PDIA4: variants seen among roughly 807,000 people sequenced by gnomAD.
PDIA4 encodes the protein protein disulfide-isomerase A4.
A neutral mutation model predicts 62.1 loss-of-function variants in PDIA4; 33 were observed. The observed-to-expected ratio is 0.53, with a 90% confidence interval of 0.40 to 0.71. The LOEUF (loss-of-function observed/expected upper bound fraction) is 0.71, where lower values mean the gene tolerates loss of function less well. PDIA4 is among the 30% of genes least tolerant of loss of function. The probability of loss-of-function intolerance (pLI) is 0.00; values close to 1 mark genes in which losing one functional copy is unlikely to be tolerated. For synonymous variants in PDIA4, 341 were observed against 324.1 expected (o/e 1.05, Z -0.56); for missense variants, 804 against 813.6 (o/e 0.99, Z 0.14).
chr7:149,007,449 G>C (rs528636302), intron 7 of PDIA4, among the ~76,000 whole-genome samples: 6 of 152,308 alleles, frequency 3.9e-5, no homozygotes, highest in East Asian at 1.9e-4. Context: ...TCTGGGGTGG[G>C]GGGTAGAGCT....
intron 1 of PDIA4, among the ~76,000 whole-genome samples, chr7:149,024,655 T>C (rs1328032475): frequency 6.7e-6 from 1 of 150,344 alleles, no homozygotes; most frequent in Non-Finnish European, 1.5e-5. Context: ...TCTACTAAAA[T>C]ACAGAAAAAA....
chr7:149,007,913 G>A (rs1022650385), intron 7 of PDIA4, among the ~76,000 whole-genome samples: 2 of 152,260 alleles, frequency 1.3e-5, no homozygotes, highest in African/African-American at 4.8e-5. Flanking sequence ...GCAAAACCAA[G>A]TGGAGCTCTG....
chr7:149,004,605 A>G (rs1823676163), intron 9 of PDIA4, among the ~76,000 whole-genome samples: 1 of 152,232 alleles, frequency 6.6e-6, no homozygotes, highest in Non-Finnish European at 1.5e-5. Context: ...GCCTGGGGCC[A>G]TGTGCTCAGC....
At chr7:149,012,744 G>T (rs915751534) in intron 4 of PDIA4, among the ~76,000 whole-genome samples, 2 of 152,186 alleles carry the variant, frequency 1.3e-5, no homozygotes, top group Non-Finnish European at 2.9e-5. Flanking sequence ...TTCAGAGGAG[G>T]AGTAGCAGTG....
chr7:149,010,403 AAATCACCTGAGCCTGGGGAGGTCAAG>A (rs1823905724), intron 6 of PDIA4, among the ~76,000 whole-genome samples: 1 of 152,126 alleles, frequency 6.6e-6, no homozygotes, highest in Admixed American at 6.6e-5. Flanking sequence ...TGAGGTGGAA[AAATCACCTGAGCCTGGGGAGGTCAAG>A]GCTGCAGTGA....
intron 3 of PDIA4, among the ~76,000 whole-genome samples, chr7:149,017,048 A>T (rs1824161477): frequency 6.6e-6 from 1 of 152,172 alleles, no homozygotes; most frequent in South Asian, 2.1e-4. Flanking sequence ...CTCAGATTAC[A>T]TCCAACTGAC....
chr7:149,024,814 TAAAAA>T (rs539798193), intron 1 of PDIA4, among the ~76,000 whole-genome samples: 1 of 89,396 alleles, frequency 1.1e-5, no homozygotes, highest in Non-Finnish European at 2.0e-5. Flanking sequence ...GACTGTCATT[TAAAAA>T]AAAAAAAAAA....
Position 149,012,426 on chromosome 7 carries a change from G to C in PDIA4, c.615-66C>G, listed in dbSNP as rs1004430493. 35 of 1,402,216 alleles carry C rather than the reference G, an allele frequency of 2.5e-5. No individual in the cohort carries two copies. In the African/African-American group the frequency reaches 4.7e-4, roughly 19 times the overall value. The allele number at this position is 1,402,216 out of a possible 1,614,324, so 86.9% of individuals were successfully genotyped here. A position where few individuals can be genotyped will look rare whatever the true frequency, so the allele number is the denominator to read the frequency against. Reference sequence around the variant, plus strand: ...GTGGACTCACTTTCTAGCTAAATGAGCTGCAGAAACCCATCCTGTGCTCCC... The same window carrying C: ...GTGGACTCACTTTCTAGCTAAATGACCTGCAGAAACCCATCCTGTGCTCCC... On this transcript the variant is annotated intron_variant, in intron 4 of 9. Transcript: ENST00000652332.
chr7:149,005,188 TC>T lies in PDIA4; in HGVS notation c.1474del (p.Glu492SerfsTer19). The T allele has an allele frequency of 6.2e-7, 1 of 1,614,034 alleles. No individual in the cohort carries two copies. Reference protein sequence around the residue: ...SGKKFAMEPEEFDSDTLREFV... With the variant: ...SGKKFAMEPEXFDSDTLREFV... ...CTCGCGGAGGGTGTCAGAGTCAAAC[TC>T]CTCTGGCTCCATGGCGAACTTCTTC... On this transcript the variant is annotated frameshift_variant, in exon 9 of 10. Transcript: ENST00000652332. LOFTEE classifies it high-confidence loss of function.
At position 149,004,096 on chromosome 7, in the gene PDIA4, C is replaced by T. The variant is rs749231315; in HGVS notation, c.1636G>A (p.Val546Ile). The T allele has an allele frequency of 7.4e-6, 12 of 1,614,032 alleles. No individual in the cohort carries two copies. In the Middle Eastern group the frequency reaches 4.9e-4, roughly 66 times the overall value. ...DSIVMDPKKD[V>I]LIEFYAPWCG... is the part of the protein sequence containing the mutation. ...CATGGCGCGTAGAACTCGATGAGGA[C>T]GTCCTTCTTGGGGTCCATCACAATG... The change falls in exon 10 of 10, where the codon GTC (valine) becomes ATC (isoleucine). Residue 546 changes from valine to isoleucine, a missense_variant. Physicochemically the swap from Val to Ile is conservative, Grantham distance 29 (BLOSUM62 3). Transcript: ENST00000652332.
chr7:149,020,612 TGA>T (rs1440961070), intron 2 of PDIA4, among the ~76,000 whole-genome samples: 1 of 152,190 alleles, frequency 6.6e-6, no homozygotes, highest in Non-Finnish European at 1.5e-5. Flanking sequence ...CAGGGTGGCC[TGA>T]GACAGGTCGG....
chr7:149,028,088 A>G (rs1585437050), intron 1 of PDIA4: 2 of 612,222 alleles, frequency 3.3e-6, no homozygotes, highest in African/African-American at 1.9e-5. Flanking sequence ...GTCGGAGCCC[A>G]AGAGACCCCG....
chr7:149,007,447 G>A (rs369544152), intron 7 of PDIA4, among the ~76,000 whole-genome samples: 93 of 152,268 alleles, frequency 6.1e-4, no homozygotes, highest in African/African-American at 2.0e-3. Flanking sequence ...GGTCTGGGGT[G>A]GGGGGTAGAG....
At chr7:149,026,604 T>C (rs910493713) in intron 1 of PDIA4, among the ~76,000 whole-genome samples, 3 of 150,868 alleles carry the variant, frequency 2.0e-5, no homozygotes, top group Non-Finnish European at 4.4e-5. Flanking sequence ...TGAGCTGAGA[T>C]CGCGTCACTG....
intron 1 of PDIA4, among the ~76,000 whole-genome samples, chr7:149,024,779 G>A (rs1487047026): frequency 1.4e-5 from 2 of 140,846 alleles, no homozygotes; most frequent in Non-Finnish European, 3.0e-5. Flanking sequence ...TCGCACCACT[G>A]CACTCCAGCC....
At chr7:149,010,141 T>A (rs1187283358) in intron 6 of PDIA4, among the ~76,000 whole-genome samples, 2 of 152,124 alleles carry the variant, frequency 1.3e-5, no homozygotes, top group African/African-American at 4.8e-5. Flanking sequence ...TTTAGACTTG[T>A]TAGTTATTAA....
chr7:149,025,313 C>T (rs73476003), intron 1 of PDIA4, among the ~76,000 whole-genome samples: 202 of 152,206 alleles, frequency 1.3e-3, no homozygotes, highest in African/African-American at 4.6e-3. Flanking sequence ...CCTGCTCAGA[C>T]ACAGGCAGCT....
At chr7:149,015,641 A>G (rs1824107456) in intron 3 of PDIA4, among the ~76,000 whole-genome samples, 1 of 152,194 alleles carries the variant, frequency 6.6e-6, no homozygotes, top group Non-Finnish European at 1.5e-5. Context: ...GGAGTGGAAC[A>G]ATAAATTCGT....
rs777565073 is a variant in PDIA4, at chr7:149,028,448, C to A, written c.-40G>T. 3 of 1,370,570 alleles carry A rather than the reference C, an allele frequency of 2.2e-6. No individual in the cohort carries two copies. The highest frequency in any genetic ancestry group is 1.9e-6 in the Non-Finnish European group (2 of 1,036,510). The allele number at this position is 1,370,570 out of a possible 1,614,324, so 84.9% of individuals were successfully genotyped here. ...AGCGCGGCCTCCTAGCGTCGGCGGC[C>A]GCTGAGCGCACCGAGAACTCGGGGT... On this transcript the variant is annotated 5_prime_UTR_variant, in exon 1 of 10. Coordinates refer to ENST00000652332, the MANE Select transcript of PDIA4 (RefSeq NM_004911.5).
Sources: gnomAD v4.1 joint callset for allele counts (sites outside exome capture counted in the v4.1 genomes callset) on GRCh38, gnomAD v4.1.1 for gene constraint, MANE v1.5 for transcripts, NCBI Gene and HGNC (gene_info 2026-07-23, HGNC 2026-07-21) for gene names.